Variants in KRT75 observed in about 807,000 individuals in gnomAD.
The protein encoded by KRT75 is keratin, type II cytoskeletal 75.
Under a neutral mutation model 48.8 loss-of-function variants are expected in KRT75, and 35 were observed. That is an observed-to-expected ratio of 0.72 (90% CI 0.55 to 0.95). The LOEUF is 0.95. Ranked by LOEUF, KRT75 falls within the 40% of genes least tolerant of loss-of-function variation. The pLI, the probability that KRT75 is intolerant of heterozygous loss-of-function variation, is 0.00. For synonymous variants in KRT75, 301 were observed against 282.3 expected (o/e 1.07, Z -0.66); for missense variants, 776 against 709.9 (o/e 1.09, Z -1.06).
Position 52,434,334 on chromosome 12 carries a change from C to T in KRT75, c.-30G>A, listed in dbSNP as rs1252315722. Reference sequence around the variant, plus strand: ...GGTGAGGAAGGCCGGCGAGAAGGCACCTGAGGTGGGCTGGTACAGGCAGTG... The same window carrying T: ...GGTGAGGAAGGCCGGCGAGAAGGCATCTGAGGTGGGCTGGTACAGGCAGTG... On this transcript the variant is annotated 5_prime_UTR_variant, in exon 1 of 9. It adds an upstream start codon to the 5' untranslated region. Transcript: ENST00000252245. 1 of 1,575,294 alleles carries T rather than the reference C, an allele frequency of 6.3e-7. No individual in the cohort carries two copies. Among genetic ancestry groups the T allele is most frequent in the Non-Finnish European group, 8.6e-7 (1 of 1,168,814 alleles).
In KRT75 at chr12:52,430,712, G is replaced by A. The variant is rs1305591630; in HGVS notation, c.871-7C>T. On this transcript the variant is annotated splice_polypyrimidine_tract_variant and splice_region_variant and intron_variant, in intron 4 of 8. Transcript: ENST00000252245. The stretch of plus-strand genomic sequence containing the variant: ...TCTGCAACTGGGACAGCTCCTGCAG[G>A]GCAGTAAACTCAGCATCACCAAGGC... 1 of 1,614,118 alleles carries A rather than the reference G, an allele frequency of 6.2e-7. No individual in the cohort carries two copies. Among genetic ancestry groups the A allele is most frequent in the Non-Finnish European group, 8.5e-7 (1 of 1,179,982 alleles).
At position 52,428,364 on chromosome 12, in the gene KRT75, T is replaced by C; in HGVS notation, c.1274A>G (p.Gln425Arg). Reference protein sequence around the residue: ...DLEEALQKAKQDMARLLREYQ... With the variant: ...DLEEALQKAKRDMARLLREYQ... Reference sequence around the variant, plus strand: ...CTCACGCAGGAGCCGAGCCATGTCCTGCTTGGCCTTCTGCAGGGCCTCCTC... The same window carrying C: ...CTCACGCAGGAGCCGAGCCATGTCCCGCTTGGCCTTCTGCAGGGCCTCCTC... Residue 425 changes from glutamine to arginine, a missense_variant, in exon 7 of 9, where the codon CAG becomes CGG. Transcript: ENST00000252245. 6.2e-7 allele frequency: 1 copy of C among 1,614,194 alleles called. No homozygotes were observed.
chr12:52,433,125 C>A lies in KRT75; in HGVS notation c.626G>T (p.Arg209Leu). ...LFDSYTSELR[R>L]QLESITTERG... ...CTCGGTGGTGATGCTTTCCAGCTGC[C>A]GTCGGAGCTCACTGGTATAGGAATC... Residue 209 changes from arginine to leucine, a missense_variant, in exon 2 of 9, where the codon CGG becomes CTG. Physicochemically the swap from Arg to Leu is moderately radical, Grantham distance 102. Coordinates refer to ENST00000252245, the MANE Select transcript of KRT75 (RefSeq NM_004693.3). The A allele has an allele frequency of 1.9e-6, 3 of 1,610,134 alleles. No homozygotes were observed. The highest frequency in any genetic ancestry group is 8.5e-7 in the Non-Finnish European group (1 of 1,178,624).
In KRT75 at chr12:52,424,647, C is replaced by T. The variant is rs1413156475; in HGVS notation, c.1526G>A (p.Gly509Glu). 21 of 1,614,154 alleles carry T rather than the reference C, an allele frequency of 1.3e-5. No homozygotes were observed. Among genetic ancestry groups the T allele is most frequent in the Non-Finnish European group, 1.8e-5 (21 of 1,179,980 alleles). Residue 509 changes from glycine to glutamate, a missense_variant, in exon 9 of 9, where the codon GGG (glycine) becomes GAG (glutamate). Coordinates refer to ENST00000252245, the MANE Select transcript of KRT75 (RefSeq NM_004693.3). ...TCCCAGGCCTGCACCCAGGCTATGC[C>T]CACCACTGGTGGTGAAGGAGTAGCC... Reference protein sequence around the residue: ...GSGYSFTTSGGHSLGAGLGGS... With the variant: ...GSGYSFTTSGEHSLGAGLGGS...
chr12:52,424,224 T>G lies in KRT75; in HGVS notation c.*293A>C, dbSNP rs1592161287. On this transcript the variant is annotated 3_prime_UTR_variant, in exon 9 of 9. Coordinates refer to ENST00000252245, the MANE Select transcript of KRT75 (RefSeq NM_004693.3). ...CTGCATCTGGAGGGAGGGAGGGAGG[T>G]GGAGCTGGAGGAGGACTTTCCAGCT... The G allele has an allele frequency of 2.1e-6, 1 of 473,864 alleles. No individual in the cohort carries two copies. The highest frequency in any genetic ancestry group is 2.2e-5 in the South Asian group (1 of 46,010). 29.4% of individuals were successfully genotyped at this position (473,864 alleles called of 1,614,324 possible).
At position 52,433,902 on chromosome 12, in the gene KRT75, G is replaced by A. The variant is rs1162817697; in HGVS notation, c.403C>T (p.His135Tyr). ...TGGATGGTGGGGTCGATTTGCAGGT[G>A]AAGAGGAGTCAGGAGACTCTGGTTG... ...TVNQSLLTPL[H>Y]LQIDPTIQRV... is the part of the protein sequence containing the mutation. The change falls in exon 1 of 9, where the codon CAC (histidine) becomes TAC (tyrosine). Residue 135 changes from histidine (H) to tyrosine (Y), a missense_variant. By Grantham distance (83) the His-to-Tyr change is moderately conservative. Coordinates refer to ENST00000252245, the MANE Select transcript of KRT75 (RefSeq NM_004693.3). 7 of 1,614,196 alleles carry A rather than the reference G, an allele frequency of 4.3e-6. No homozygotes were observed. Among genetic ancestry groups the A allele is most frequent in the Non-Finnish European group, 5.1e-6 (6 of 1,180,030 alleles).
rs1323062323 is a variant in KRT75, at chr12:52,431,646, G to A, written c.775-8C>T. On this transcript the variant is annotated splice_region_variant and splice_polypyrimidine_tract_variant and intron_variant, in intron 3 of 8. Coordinates refer to ENST00000252245, the MANE Select transcript of KRT75 (RefSeq NM_004693.3). ...ATAGGCAGCATCTACGTCCTGGAAT[G>A]ACAGCGCAGGATGCTCCTTTGAGTC... The A allele has an allele frequency of 3.8e-6, 6 of 1,597,132 alleles. No homozygotes were observed. The South Asian group carries it at 5.5e-5, about 15-fold the overall frequency.
intron 4 of KRT75, 59 bp downstream of exon 4, chr12:52,431,484 C>T (rs1940143045): frequency 1.6e-6 from 2 of 1,218,694 alleles, no homozygotes; most frequent in South Asian, 1.2e-5. Context: ...CACAATGCAT[C>T]ATCCTTTTCT....
At chr12:52,432,714 T>C (rs1034832532) in intron 2 of KRT75, among the ~76,000 whole-genome samples, 8 of 152,230 alleles carry the variant, frequency 5.3e-5, no homozygotes, top group Admixed American at 4.6e-4. Flanking sequence ...ATCTCAATAA[T>C]TGAGCCCATG....
At chr12:52,432,318 T>C (rs748330861) in intron 2 of KRT75, among the ~76,000 whole-genome samples, 5 of 152,210 alleles carry the variant, frequency 3.3e-5, no homozygotes, top group Non-Finnish European at 7.3e-5. Context: ...AAAATATACT[T>C]ATGCAACTCC....
chr12:52,429,598 C>T (rs1940117892), intron 5 of KRT75, among the ~76,000 whole-genome samples: 1 of 152,160 alleles, frequency 6.6e-6, no homozygotes. Context: ...AATGGAGCAA[C>T]AACCCAACAA....
chr12:52,430,157 C>T (rs1340422205), intron 5 of KRT75, among the ~76,000 whole-genome samples: 2 of 152,136 alleles, frequency 1.3e-5, no homozygotes, highest in African/African-American at 4.8e-5. Flanking sequence ...TCTCTGTTTG[C>T]AGTTTATTTA....
Position 52,424,368 on chromosome 12 carries a change from C to G in KRT75, c.*149G>C. On this transcript the variant is annotated 3_prime_UTR_variant, in exon 9 of 9. Coordinates refer to ENST00000252245, the MANE Select transcript of KRT75 (RefSeq NM_004693.3). The stretch of plus-strand genomic sequence containing the variant: ...GGCACTGTCAGGAGGGAGAGGCTGG[C>G]TTAGGCCTGGGAATGGGTATAGCCA... 1 of 802,384 alleles carries G rather than the reference C, an allele frequency of 1.2e-6. No individual in the cohort carries two copies. Among genetic ancestry groups the G allele is most frequent in the African/African-American group, 1.7e-5 (1 of 59,688 alleles). The allele number at this position is 802,384 out of a possible 1,614,324, so 49.7% of individuals were successfully genotyped here.
At position 52,424,529 on chromosome 12, in the gene KRT75, G is replaced by C. The variant is rs776492990; in HGVS notation, c.1644C>G (p.Ser548Arg). Reference sequence around the variant, plus strand: ...CCATGGGGCTCTCTTAGTGCGTGTAGCTCTTCTGGCTGGAGGATGTGGTGG... The same window carrying C: ...CCATGGGGCTCTCTTAGTGCGTGTACCTCTTCTGGCTGGAGGATGTGGTGG... The part of the protein sequence containing the change: ...FVSTTSSSQK[S>R]YTH Residue 548 changes from serine (S) to arginine (R), a missense_variant, in exon 9 of 9, where the codon AGC becomes AGG. Coordinates refer to ENST00000252245, the MANE Select transcript of KRT75 (RefSeq NM_004693.3). The C allele has an allele frequency of 6.2e-7, 1 of 1,614,090 alleles. No homozygotes were observed. The highest frequency in any genetic ancestry group is 1.7e-5 in the Admixed American group (1 of 60,030).
At chr12:52,431,683 G>T in intron 3 of KRT75, 45 bp from the exon 4 acceptor site, 1 of 1,353,906 alleles carries the variant, frequency 7.4e-7, no homozygotes, top group Non-Finnish European at 1.1e-6. Context: ...GCAGCCCCAA[G>T]TATCTAGTCC....
chr12:52,430,787 G>T, intron 4 of KRT75, 82 bp from the exon 5 acceptor site: 1 of 1,473,994 alleles, frequency 6.8e-7, no homozygotes, highest in Non-Finnish European at 9.5e-7. Context: ...ATCTAGGTCA[G>T]GAATCCTTTC....
intron 7 of KRT75, 60 bp downstream of exon 7, chr12:52,428,196 C>T (rs557695214): frequency 3.1e-6 from 5 of 1,602,670 alleles, no homozygotes; most frequent in African/African-American, 2.7e-5. Flanking sequence ...CCTAGGAATG[C>T]CCAGGAAGCT....
In KRT75 at chr12:52,424,384, G is replaced by C; in HGVS notation, c.*133C>G. ...AGAGGCTGGCTTAGGCCTGGGAATG[G>C]GTATAGCCAGTACTCCAGGCTCCCA... On this transcript the variant is annotated 3_prime_UTR_variant, in exon 9 of 9. Transcript: ENST00000252245. 1.1e-6 allele frequency: 1 copy of C among 873,190 alleles called. No homozygotes were observed. The highest frequency in any genetic ancestry group is 1.7e-5 in the Admixed American group (1 of 58,954). The allele number at this position is 873,190 out of a possible 1,614,324, so 54.1% of individuals were successfully genotyped here.
Position 52,433,795 on chromosome 12 carries a change from GC to G in KRT75, c.498+11del, listed in dbSNP as rs1377805397. On this transcript the variant is annotated intron_variant, in intron 1 of 8. Transcript: ENST00000252245. ...TCCCAAACCCAAGGGGGTGGATGAA[GC>G]CCCTGCTTACCTTGTCGATGAAGGA... The G allele has an allele frequency of 5.0e-6, 8 of 1,614,114 alleles. No individual in the cohort carries two copies. Among genetic ancestry groups the G allele is most frequent in the Non-Finnish European group, 6.8e-6 (8 of 1,179,998 alleles).
Sources: allele counts gnomAD v4.1 joint callset (sites outside exome capture counted in the v4.1 genomes callset), GRCh38; gene constraint gnomAD v4.1.1; transcripts MANE v1.5; gene names NCBI Gene and HGNC (gene_info 2026-07-23, HGNC 2026-07-21).